The following SSH1 variants were observed in gnomAD, a reference collection of about 807,000 sequenced individuals.
The protein encoded by SSH1 is slingshot protein phosphatase 1.
In SSH1, 43 loss-of-function variants were observed where a neutral mutation model predicts 79.7. The ratio of observed to expected loss-of-function variants is 0.54; its 90% CI spans 0.42 to 0.70. The LOEUF is 0.70. SSH1 is among the 30% of genes least tolerant of loss of function. The pLI, the probability that SSH1 is intolerant of heterozygous loss-of-function variation, is 0.00. For synonymous variants in SSH1, 599 were observed against 538.3 expected, an observed-to-expected ratio of 1.11 and a Z score of -1.56; for missense variants, 1,206 against 1,358.8, an observed-to-expected ratio of 0.89 and a Z score of 1.77.
rs757057857 is a variant in SSH1, at chr12:108,806,279, A to G, written c.825+22T>C. ...GAGGCTGCATGACCTCTGACCTGCA[A>G]TGAAGGGAGGAGTTGTCTTACCTCT... On this transcript the variant is annotated intron_variant, in intron 9 of 14. Transcript: ENST00000326495. The G allele has an allele frequency of 4.3e-6, 7 of 1,609,484 alleles. No individual in the cohort carries two copies. The Admixed American group carries it at 1.0e-4, about 23-fold the overall frequency.
At chr12:108,827,457 G>T in intron 2 of SSH1, 1 of 1,298,040 alleles carries the variant, frequency 7.7e-7, no homozygotes, top group Non-Finnish European at 9.8e-7. Flanking sequence ...GTGCTTCCAC[G>T]AGGGCTGGGG....
chr12:108,804,364 C>CA (rs2037168653), intron 10 of SSH1, among the ~76,000 whole-genome samples: 1 of 152,224 alleles, frequency 6.6e-6, no homozygotes, highest in African/African-American at 2.4e-5. Context: ...TTCATTACAC[C>CA]ACTAGGCCTC....
rs200445597 is a variant in SSH1 at position 108,792,409 on chromosome 12, C to T, written c.1770G>A (p.Thr590=). ...RSGSLLQVEE[T]EREEGLGAGR... ...CTGCTCCCAGGCCCTCCTCCCTTTC[C>T]GTCTCCTCCACCTGCAGCAAGGAGC... The change falls in exon 14 of 15, where the codon ACG becomes ACA. Residue 590 remains threonine, a synonymous_variant. Transcript: ENST00000326495. The T allele has an allele frequency of 3.0e-5, 49 of 1,614,202 alleles. No individual in the cohort carries two copies. Among genetic ancestry groups the T allele is most frequent in the Middle Eastern group, 1.6e-4 (1 of 6,062 alleles).
chr12:108,845,200 A>G (rs1366509772), intron 2 of SSH1, among the ~76,000 whole-genome samples: 1 of 150,884 alleles, frequency 6.6e-6, no homozygotes, highest in Non-Finnish European at 1.5e-5. Context: ...CAGAGCAGAA[A>G]AAAAAAAAAA....
intron 13 of SSH1, 69 bp downstream of exon 13, chr12:108,798,931 C>A: frequency 6.4e-7 from 1 of 1,567,746 alleles, no homozygotes; most frequent in Non-Finnish European, 8.7e-7. Flanking sequence ...CCGACAGAGG[C>A]CTGGCTGGCT....
intron 13 of SSH1, among the ~76,000 whole-genome samples, 197 bp from the exon 14 acceptor site, chr12:108,793,026 A>C (rs1410925575): frequency 6.6e-6 from 1 of 152,202 alleles, no homozygotes; most frequent in Non-Finnish European, 1.5e-5. Flanking sequence ...CTGGCTCCTA[A>C]GTTGTCCAGG....
At chr12:108,824,983 T>C (rs886315000) in intron 2 of SSH1, among the ~76,000 whole-genome samples, 2 of 152,356 alleles carry the variant, frequency 1.3e-5, no homozygotes, top group African/African-American at 4.8e-5. Flanking sequence ...ATTTTCCAAA[T>C]GTTCTATATT....
At chr12:108,852,885 G>A (rs1481799554) in intron 1 of SSH1, 8 of 985,280 alleles carry the variant, frequency 8.1e-6, no homozygotes, top group Non-Finnish European at 9.6e-6. Context: ...GTTTCCAAAT[G>A]TTGACCCACA....
chr12:108,814,881 G>A (rs894563154), intron 5 of SSH1, among the ~76,000 whole-genome samples: 3 of 152,126 alleles, frequency 2.0e-5, no homozygotes, highest in Admixed American at 1.3e-4. Flanking sequence ...GCGGACGAGC[G>A]CACGGGCCAG....
chr12:108,811,202 T>G, intron 6 of SSH1, 58 bp downstream of exon 6: 1 of 1,504,640 alleles, frequency 6.6e-7, no homozygotes, highest in South Asian at 1.1e-5. Context: ...CTGAACCAGC[T>G]CGTGTTTTCA....
At chr12:108,847,898 G>A (rs2038934468) in intron 2 of SSH1, among the ~76,000 whole-genome samples, 1 of 152,236 alleles carries the variant, frequency 6.6e-6, no homozygotes, top group Admixed American at 6.5e-5. Flanking sequence ...AGGGATGCCA[G>A]GGGCTCCCTG....
rs1290128211 is a variant in SSH1 at position 108,788,270 on chromosome 12, C to T, written c.2868G>A (p.Gln956=). Residue 956 remains glutamine, a synonymous_variant, in exon 15 of 15, where the codon CAG becomes CAA. Coordinates refer to ENST00000326495, the MANE Select transcript of SSH1 (RefSeq NM_018984.4). ...GKPGLVKQRT[Q]EIETRLRLAG... ...CCAGCCGGAGCCGGGTCTCAATCTC[C>T]TGTGTCCGCTGCTTCACCAGCCCGG... 1 of 1,613,820 alleles carries T rather than the reference C, an allele frequency of 6.2e-7. No individual in the cohort carries two copies. The highest frequency in any genetic ancestry group is 8.5e-7 in the Non-Finnish European group (1 of 1,180,018).
At chr12:108,839,484 CT>C (rs1421777336) in intron 2 of SSH1, among the ~76,000 whole-genome samples, 1 of 152,180 alleles carries the variant, frequency 6.6e-6, no homozygotes, top group Non-Finnish European at 1.5e-5. Context: ...CTGAAGGCCC[CT>C]TCCTGTGGGA....
chr12:108,853,721 C>T (rs1266849738), intron 1 of SSH1, among the ~76,000 whole-genome samples: 2 of 152,030 alleles, frequency 1.3e-5, no homozygotes, highest in African/African-American at 4.8e-5. Flanking sequence ...GTCAGGAGTT[C>T]GAGACCAGCC....
intron 4 of SSH1, 99 bp downstream of exon 4, chr12:108,818,150 A>C (rs2037975094): frequency 3.0e-6 from 3 of 991,986 alleles, no homozygotes; most frequent in Non-Finnish European, 4.8e-6. Flanking sequence ...GTGAGCTAAG[A>C]TCATGCCACT....
In SSH1 at chr12:108,783,543, G is replaced by C. The variant is rs942692790; in HGVS notation, c.*4445C>G. The C allele has an allele frequency of 1.3e-5, 2 of 152,210 alleles. No homozygotes were observed. The highest frequency in any genetic ancestry group is 2.4e-5 in the African/African-American group (1 of 41,452). 9.4% of individuals were successfully genotyped at this position (152,210 alleles called of 1,614,324 possible). On this transcript the variant is annotated 3_prime_UTR_variant, in exon 15 of 15. Coordinates refer to ENST00000326495, the MANE Select transcript of SSH1 (RefSeq NM_018984.4). ...GTGGAGGACTGGTGATCTGCTTATC[G>C]GGACTCCTGTCTGAGACAGTGACTG...
chr12:108,808,524 C>G (rs561687019), intron 7 of SSH1, among the ~76,000 whole-genome samples: 1 of 152,226 alleles, frequency 6.6e-6, no homozygotes, highest in African/African-American at 2.4e-5. Context: ...GCTCCTGAAG[C>G]GTGGTAACCC....
chr12:108,809,083 C>T (rs1439815928), intron 7 of SSH1, among the ~76,000 whole-genome samples: 8 of 151,830 alleles, frequency 5.3e-5, no homozygotes, highest in Middle Eastern at 3.2e-3. Context: ...ATCCACCCAC[C>T]GTGGCCTCCC....
rs973121958 is a variant in SSH1, at chr12:108,783,728, G to A, written c.*4260C>T. The A allele has an allele frequency of 4.6e-5, 7 of 152,218 alleles. No homozygotes were observed. Among genetic ancestry groups the A allele is most frequent in the African/African-American group, 1.2e-4 (5 of 41,444 alleles). The allele number at this position is 152,218 out of a possible 1,614,324, so 9.4% of individuals were successfully genotyped here. A position where few individuals can be genotyped will look rare whatever the true frequency, so the allele number is the denominator to read the frequency against. On this transcript the variant is annotated 3_prime_UTR_variant, in exon 15 of 15. Transcript: ENST00000326495. ...CTGGATGCACATGATCACTTGACTC[G>A]GTTTCTATACTCAAATATACAGATG...
Sources: allele counts gnomAD v4.1 joint callset (sites outside exome capture counted in the v4.1 genomes callset), GRCh38; gene constraint gnomAD v4.1.1; transcripts MANE v1.5; gene names NCBI Gene and HGNC (gene_info 2026-07-23, HGNC 2026-07-21).